The following PKD1L1 variants were observed in gnomAD, a reference collection of about 807,000 sequenced individuals.
PKD1L1 encodes polycystin 1 like 1, transient receptor potential channel interacting.
A neutral mutation model predicts 323.4 loss-of-function variants in PKD1L1; 236 were observed. The observed-to-expected ratio is 0.73, with a 90% CI of 0.66 to 0.81. The LOEUF (loss-of-function observed/expected upper bound fraction) is 0.81. Ranked by LOEUF, PKD1L1 falls within the 40% of genes least tolerant of loss-of-function variation. PKD1L1 has a pLI of 0.00. For missense variants in PKD1L1, 3,320 were observed against 3,508.0 expected, an observed-to-expected ratio of 0.95 and a Z score of 1.35; for synonymous variants, 1,344 against 1,335.0, an observed-to-expected ratio of 1.01 and a Z score of -0.15.
rs752772555 is a variant in PKD1L1, at chr7:47,881,987, T to C, written c.3364A>G (p.Arg1122Gly). ...NLVDPSLSAG[R>G]AEPVLMIDWP... ...TCAATCATGAGGACAGGCTCGGCTC[T>C]GCCTGCAGACAGGGAGGGGTCCACC... Residue 1122 changes from arginine to glycine, a missense_variant, in exon 20 of 57, where the codon AGA (arginine) becomes GGA (glycine). Physicochemically the swap from Arg to Gly is moderately radical, Grantham distance 125. Coordinates refer to ENST00000289672, the MANE Select transcript of PKD1L1 (RefSeq NM_138295.5). The C allele has an allele frequency of 6.2e-7, 1 of 1,614,108 alleles. No individual in the cohort carries two copies. The highest frequency in any genetic ancestry group is 8.5e-7 in the Non-Finnish European group (1 of 1,179,992).
At chr7:47,827,653 G>C (rs865902654) in intron 44 of PKD1L1, among the ~76,000 whole-genome samples, 185 bp from the exon 45 acceptor site, 1 of 152,202 alleles carries the variant, frequency 6.6e-6, no homozygotes, top group Non-Finnish European at 1.5e-5. Flanking sequence ...TCAGAGATGG[G>C]GGTAGACCCA....
At chr7:47,813,327 T>C in intron 48 of PKD1L1, 34 bp from the exon 49 acceptor site, 1 of 1,611,112 alleles carries the variant, frequency 6.2e-7, no homozygotes, top group Non-Finnish European at 8.5e-7. Flanking sequence ...AAGACACAGA[T>C]ACTATTCCCA....
chr7:47,881,739 G>A (rs1337358627), intron 20 of PKD1L1, among the ~76,000 whole-genome samples, 170 bp downstream of exon 20: 1 of 152,154 alleles, frequency 6.6e-6, no homozygotes, highest in Non-Finnish European at 1.5e-5. Context: ...CTTTACTTTT[G>A]TTAGAAGAGT....
At chr7:47,849,908 G>A (rs1017713483) in intron 31 of PKD1L1, among the ~76,000 whole-genome samples, 1 of 152,188 alleles carries the variant, frequency 6.6e-6, no homozygotes, top group African/African-American at 2.4e-5. Flanking sequence ...TCTAAGTGAA[G>A]TAACTCAGGA....
intron 56 of PKD1L1, among the ~76,000 whole-genome samples, chr7:47,776,286 C>T (rs1410449568): frequency 6.6e-6 from 1 of 152,178 alleles, no homozygotes; most frequent in African/African-American, 2.4e-5. Flanking sequence ...ATCCGGAAAA[C>T]TGAAGCAGAG....
chr7:47,929,160 G>A, intron 7 of PKD1L1, 44 bp downstream of exon 7: 1 of 1,575,642 alleles, frequency 6.3e-7, no homozygotes, highest in South Asian at 1.2e-5. Context: ...CCCTAGCTCA[G>A]GACCTCCTTC....
intron 51 of PKD1L1, 116 bp from the exon 52 acceptor site, chr7:47,808,503 T>C (rs1784829055): frequency 8.0e-7 from 1 of 1,254,672 alleles, no homozygotes; most frequent in African/African-American, 1.5e-5. Flanking sequence ...CAGGGATGCC[T>C]TCTGAGAAAT....
chr7:47,806,363 A>G (rs749819911), intron 52 of PKD1L1, among the ~76,000 whole-genome samples: 8 of 152,236 alleles, frequency 5.3e-5, no homozygotes, highest in Non-Finnish European at 1.0e-4. Flanking sequence ...GCCTTTAAGC[A>G]CAGGCAAGGG....
intron 2 of PKD1L1, among the ~76,000 whole-genome samples, chr7:47,941,192 G>A (rs539705838): frequency 3.9e-5 from 6 of 152,296 alleles, no homozygotes; most frequent in African/African-American, 1.4e-4. Flanking sequence ...GGGGACTGGA[G>A]CACCCTGCTG....
intron 47 of PKD1L1, among the ~76,000 whole-genome samples, chr7:47,814,409 T>C (rs749365573): frequency 6.6e-6 from 1 of 152,228 alleles, no homozygotes; most frequent in Admixed American, 6.5e-5. Context: ...AGACAGAGAA[T>C]AGCTCTGTTG....
intron 45 of PKD1L1, among the ~76,000 whole-genome samples, chr7:47,822,449 G>C (rs1353176420): frequency 6.6e-6 from 1 of 150,962 alleles, no homozygotes; most frequent in Non-Finnish European, 1.5e-5. Context: ...AAAAAAAAGA[G>C]CCAGGCATGG....
Position 47,896,878 on chromosome 7 carries a change from T to A in PKD1L1, c.2271+1110A>T, listed in dbSNP as rs533589587. On this transcript the variant is annotated intron_variant, in intron 14 of 56. Coordinates refer to ENST00000289672, the MANE Select transcript of PKD1L1 (RefSeq NM_138295.5). The stretch of plus-strand genomic sequence containing the variant: ...GCCCCCTGCTTCAGCCTCTAATGAC[T>A]TCTCACCTTCACTAACACTCTCCCA... 2.0e-5 allele frequency among the ~76,000 whole-genome samples: 3 copies of A among 152,284 alleles called. No homozygotes were observed. In the East Asian group the frequency reaches 5.8e-4, roughly 29 times the overall value.
chr7:47,819,472 T>G, intron 46 of PKD1L1: 3 of 1,202,130 alleles, frequency 2.5e-6, no homozygotes, highest in Non-Finnish European at 3.2e-6. Flanking sequence ...CCATTTCCAT[T>G]GAGGACCCAA....
At chr7:47,945,146 A>G (rs1051231957) in intron 1 of PKD1L1, among the ~76,000 whole-genome samples, 2 of 152,152 alleles carry the variant, frequency 1.3e-5, no homozygotes, top group Admixed American at 1.3e-4. Flanking sequence ...TGCTGCCAGG[A>G]CTGTCATTCT....
intron 16 of PKD1L1, among the ~76,000 whole-genome samples, chr7:47,889,090 CTG>C (rs149472886): frequency 0.053 from 7,975 of 151,488 alleles, 541 homozygotes; most frequent in African/African-American, 0.16. Context: ...TGGGCCCAGG[CTG>C]TGTGTGTGTG....
At chr7:47,818,867 T>G (rs1785079995) in intron 46 of PKD1L1, among the ~76,000 whole-genome samples, 1 of 152,208 alleles carries the variant, frequency 6.6e-6, no homozygotes. Context: ...CAGAAACACT[T>G]CAAATACAAC....
chr7:47,856,865 G>T (rs1280435847), intron 28 of PKD1L1, among the ~76,000 whole-genome samples: 1 of 152,122 alleles, frequency 6.6e-6, no homozygotes, highest in Non-Finnish European at 1.5e-5. Context: ...ACATTTGATG[G>T]GTCACCAAAT....
chr7:47,786,006 T>G lies in PKD1L1; in HGVS notation c.8526+6621A>C, dbSNP rs556944191. Among the ~76,000 whole-genome samples, 4 of 152,294 alleles carry G rather than the reference T, an allele frequency of 2.6e-5. No individual in the cohort carries two copies. The East Asian group carries it at 7.7e-4, about 29-fold the overall frequency. ...ATCCACCTGCCTCGGCCTCCCAAAG[T>G]TCTGGAATTACAGGTGTGAGGCACC... is the stretch of plus-strand genomic sequence containing the variant. On this transcript the variant is annotated intron_variant, in intron 56 of 56. Coordinates refer to ENST00000289672, the MANE Select transcript of PKD1L1 (RefSeq NM_138295.5).
intron 53 of PKD1L1, among the ~76,000 whole-genome samples, chr7:47,801,315 G>A (rs1050758372): frequency 6.6e-6 from 1 of 152,178 alleles, no homozygotes; most frequent in Non-Finnish European, 1.5e-5. Context: ...GAAGCATCAG[G>A]AAGGCTTTCC....
Sources: allele counts gnomAD v4.1 joint callset (sites outside exome capture counted in the v4.1 genomes callset), GRCh38; gene constraint gnomAD v4.1.1; transcripts MANE v1.5; gene names NCBI Gene and HGNC (gene_info 2026-07-23, HGNC 2026-07-21).